The following ZNF84 variants were observed in gnomAD, a reference collection of about 807,000 sequenced individuals.
The protein encoded by ZNF84 is zinc finger protein HPF2.
A neutral mutation model predicts 14.8 loss-of-function variants in ZNF84; 12 were observed. That is an observed-to-expected ratio of 0.81 (90% confidence interval 0.52 to 1.31). ZNF84 has a LOEUF of 1.31. Among genes scored for constraint, ZNF84 ranks in the 50% most tolerant of loss-of-function variants. ZNF84 has a pLI of 0.00. For missense variants in ZNF84, 859 were observed against 878.6 expected (o/e 0.98, Z 0.28); for synonymous variants, 347 against 291.1 (o/e 1.19, Z -1.96).
intron 1 of ZNF84, among the ~76,000 whole-genome samples, chr12:133,039,854 T>A (rs1953855534): frequency 6.8e-6 from 1 of 147,342 alleles, no homozygotes; most frequent in East Asian, 2.0e-4. Flanking sequence ...TGGTTTGGAT[T>A]TTTTTTTTTT....
rs1230062199 is a variant in ZNF84 at position 133,041,395 on chromosome 12, T to TG, written c.-69dup. 1.2e-5 allele frequency: 18 copies of TG among 1,522,466 alleles called. No homozygotes were observed. Among genetic ancestry groups the TG allele is most frequent in the Non-Finnish European group, 1.6e-5 (18 of 1,098,100 alleles). The allele number at this position is 1,522,466 out of a possible 1,614,324, so 94.3% of individuals were successfully genotyped here. On this transcript the variant is annotated 5_prime_UTR_variant, in exon 2 of 5. Coordinates refer to ENST00000539354, the MANE Select transcript of ZNF84 (RefSeq NM_001289971.2). ...TAGCTGAGACCTCACTCCACAGTTT[T>TG]GGGGCAGAAGCAGAAGAGACGCACA...
At position 133,048,808 on chromosome 12, in the gene ZNF84, G is replaced by C; in HGVS notation, c.198G>C (p.Pro66=). ...TCAAATTGGAGCAAGGAGAAGAGCC[G>C]TGGGTAGGAGATGGAGAAATTCCAA... ...VIFKLEQGEE[P]WVGDGEIPSS... The change falls in exon 4 of 5, where the codon CCG becomes CCC. Residue 66 remains proline, a synonymous_variant. Coordinates refer to ENST00000539354, the MANE Select transcript of ZNF84 (RefSeq NM_001289971.2). 3.1e-6 allele frequency: 5 copies of C among 1,613,712 alleles called. No homozygotes were observed. Among genetic ancestry groups the C allele is most frequent in the South Asian group, 1.1e-5 (1 of 91,064 alleles).
At position 133,058,871 on chromosome 12, in the gene ZNF84, C is replaced by G. The variant is rs1047205597; in HGVS notation, c.2156C>G (p.Ala719Gly). The G allele has an allele frequency of 1.9e-6, 3 of 1,613,088 alleles. No individual in the cohort carries two copies. The African/African-American group carries it at 4.0e-5, about 22-fold the overall frequency. The stretch of plus-strand genomic sequence containing the variant: ...TATCGATGCATTGAATGTGGGAAAG[C>G]TTTCTCACAGAAGTCACAGCTCATC... ...KPYRCIECGKAFSQKSQLINH... is the reference protein window; with the variant it reads ...KPYRCIECGKGFSQKSQLINH... Residue 719 changes from alanine to glycine, a missense_variant, in exon 5 of 5, where the codon GCT (alanine) becomes GGT (glycine). Ala to Gly is a moderately conservative substitution (Grantham distance 60, BLOSUM62 0). Transcript: ENST00000539354.
At position 133,062,721 on chromosome 12, in the gene ZNF84, C is replaced by T. The variant is rs1954284784; in HGVS notation, c.*3789C>T. On this transcript the variant is annotated 3_prime_UTR_variant, in exon 5 of 5. Transcript: ENST00000539354. Reference sequence around the variant, plus strand: ...GAAATATCGTGTGGCTTATTGTGGACTTAAAGTGTAACATTCTCCTTATGG... The same window carrying T: ...GAAATATCGTGTGGCTTATTGTGGATTTAAAGTGTAACATTCTCCTTATGG... 1.4e-5 allele frequency: 3 copies of T among 213,670 alleles called. No homozygotes were observed. Among genetic ancestry groups the T allele is most frequent in the Non-Finnish European group, 2.8e-5 (3 of 105,766 alleles). 13.2% of individuals were successfully genotyped at this position (213,670 alleles called of 1,614,324 possible).
intron 2 of ZNF84, 164 bp from the exon 3 acceptor site, chr12:133,047,791 A>C (rs1181311395): frequency 1.5e-6 from 1 of 673,270 alleles, no homozygotes; most frequent in Non-Finnish European, 2.5e-6. Flanking sequence ...GGAAGGATGG[A>C]AGAATGCACA....
In ZNF84 at chr12:133,057,124, T is replaced by G. The variant is rs1479417976; in HGVS notation, c.409T>G (p.Leu137Val). Residue 137 changes from leucine to valine, a missense_variant, in exon 5 of 5, where the codon TTA becomes GTA. Coordinates refer to ENST00000539354, the MANE Select transcript of ZNF84 (RefSeq NM_001289971.2). ...TGAAGGTGACTTAGATGGATTGATT[T>G]TAAAACATCATTTAGATTTGCTTAT... ...NSEGDLDGLI[L>V]KHHLDLLIPK... 6.2e-6 allele frequency: 10 copies of G among 1,612,576 alleles called. No individual in the cohort carries two copies. The African/African-American group carries it at 1.3e-4, about 22-fold the overall frequency.
intron 2 of ZNF84, among the ~76,000 whole-genome samples, chr12:133,042,716 A>C (rs371856347): frequency 1.3e-5 from 2 of 152,212 alleles, no homozygotes; most frequent in Admixed American, 1.3e-4. Context: ...AGTATGTCCC[A>C]AGGGTAGAAT....
chr12:133,044,403 C>T (rs1295986224), intron 2 of ZNF84, among the ~76,000 whole-genome samples: 4 of 151,678 alleles, frequency 2.6e-5, no homozygotes, highest in Non-Finnish European at 5.9e-5. Flanking sequence ...AATTCTCCTG[C>T]CTCACCCTAT....
intron 4 of ZNF84, among the ~76,000 whole-genome samples, chr12:133,056,706 A>G (rs1365738793): frequency 6.6e-6 from 1 of 152,116 alleles, no homozygotes; most frequent in Non-Finnish European, 1.5e-5. Context: ...TGTTTTTCAT[A>G]TTCCCCATTT....
chr12:133,051,110 T>TG (rs1409751825), intron 4 of ZNF84, among the ~76,000 whole-genome samples: 32 of 120,762 alleles, frequency 2.6e-4, no homozygotes, highest in Non-Finnish European at 5.2e-4. Context: ...TTTTGTTTTT[T>TG]GGTTTTTTTT....
At chr12:133,051,508 A>C (rs1954068144) in intron 4 of ZNF84, among the ~76,000 whole-genome samples, 1 of 152,192 alleles carries the variant, frequency 6.6e-6, no homozygotes, top group African/African-American at 2.4e-5. Context: ...CTGTAAGGAC[A>C]CAGCTGGATC....
rs1242559807 is a variant in ZNF84, at chr12:133,060,037, CTACAT to C, written c.*1110_*1114del. On this transcript the variant is annotated 3_prime_UTR_variant, in exon 5 of 5. Coordinates refer to ENST00000539354, the MANE Select transcript of ZNF84 (RefSeq NM_001289971.2). ...AATGAGCAAAATAAAGGTGTGTGAA[CTACAT>C]TACAACACCCAAACTAAATGAAATA... is the stretch of plus-strand genomic sequence containing the variant. The C allele has an allele frequency of 6.6e-6, 1 of 152,150 alleles. No individual in the cohort carries two copies. The highest frequency in any genetic ancestry group is 1.9e-4 in the East Asian group (1 of 5,198). 9.4% of individuals were successfully genotyped at this position (152,150 alleles called of 1,614,324 possible).
At chr12:133,039,264 A>G (rs1953844280) in intron 1 of ZNF84, among the ~76,000 whole-genome samples, 1 of 152,198 alleles carries the variant, frequency 6.6e-6, no homozygotes, top group Non-Finnish European at 1.5e-5. Context: ...TGAAAAAGAA[A>G]GTGCTGCTTG....
intron 4 of ZNF84, 64 bp from the exon 5 acceptor site, chr12:133,056,890 T>G (rs1954169606): frequency 1.4e-6 from 2 of 1,396,972 alleles, no homozygotes; most frequent in African/African-American, 2.9e-5. Flanking sequence ...ATTTCTAGTT[T>G]TGTTTTGTTT....
chr12:133,050,276 T>G (rs1192666143), intron 4 of ZNF84, among the ~76,000 whole-genome samples: 2 of 152,136 alleles, frequency 1.3e-5, no homozygotes, highest in African/African-American at 4.8e-5. Context: ...TATTCCTCAG[T>G]CTTGATACTC....
At chr12:133,054,974 T>TA (rs1954129408) in intron 4 of ZNF84, among the ~76,000 whole-genome samples, 4 of 152,102 alleles carry the variant, frequency 2.6e-5, no homozygotes. Flanking sequence ...TAAATATTGA[T>TA]AAAAATAGAA....
chr12:133,048,708 C>A (rs1309739258), intron 3 of ZNF84, 45 bp from the exon 4 acceptor site: 25 of 1,523,862 alleles, frequency 1.6e-5, no homozygotes, highest in Non-Finnish European at 2.3e-5. Context: ...GGCCCTAAAC[C>A]CCAAGCAGTT....
Position 133,060,247 on chromosome 12 carries a change from TTAGA to T in ZNF84, c.*1317_*1320del, listed in dbSNP as rs2137434468. The stretch of plus-strand genomic sequence containing the variant: ...TGTTGCATAAAATATCTTGTAAAAA[TTAGA>T]TGGATAAATGAATTATTAAAAAATC... On this transcript the variant is annotated 3_prime_UTR_variant, in exon 5 of 5. Transcript: ENST00000539354. 1 of 152,258 alleles carries T rather than the reference TTAGA, an allele frequency of 6.6e-6. No homozygotes were observed. Among genetic ancestry groups the T allele is most frequent in the South Asian group, 2.1e-4 (1 of 4,828 alleles). 9.4% of individuals were successfully genotyped at this position (152,258 alleles called of 1,614,324 possible). A position where few individuals can be genotyped will look rare whatever the true frequency, so the allele number is the denominator to read the frequency against.
chr12:133,052,696 A>G (rs1954092733), intron 4 of ZNF84, among the ~76,000 whole-genome samples: 1 of 152,196 alleles, frequency 6.6e-6, no homozygotes, highest in African/African-American at 2.4e-5. Context: ...TTATGACCTC[A>G]TTTAATCTTA....
Sources: allele counts gnomAD v4.1 joint callset (sites outside exome capture counted in the v4.1 genomes callset), GRCh38; gene constraint gnomAD v4.1.1; transcripts MANE v1.5; gene names NCBI Gene and HGNC (gene_info 2026-07-23, HGNC 2026-07-21).